Variants in WWOX observed in about 807,000 individuals in gnomAD.
The protein encoded by WWOX is WW domain-containing oxidoreductase.
In WWOX, 69 loss-of-function variants were observed where a neutral mutation model predicts 46.2. That is an observed-to-expected ratio of 1.49 (90% CI 1.23 to 1.82). The LOEUF is 1.82. Ranked by LOEUF, WWOX falls within the 40% of genes most tolerant of loss-of-function variation. The pLI is 0.00. For missense variants in WWOX, 919 were observed against 542.6 expected (o/e 1.69, Z -6.89); for synonymous variants, 359 against 202.6 (o/e 1.77, Z -6.56).
At chr16:78,913,803 A>G (rs1235851749) in intron 8 of WWOX, among the ~76,000 whole-genome samples, 1 of 151,906 alleles carries the variant, frequency 6.6e-6, no homozygotes, top group African/African-American at 2.4e-5. Context: ...CTGGGACTAA[A>G]GTGTGCACCA....
chr16:78,986,184 T>A (rs546975953), intron 8 of WWOX, among the ~76,000 whole-genome samples: 1 of 152,304 alleles, frequency 6.6e-6, no homozygotes, highest in South Asian at 2.1e-4. Context: ...GAGTCACACA[T>A]TTATATTTTT....
intron 6 of WWOX, among the ~76,000 whole-genome samples, chr16:78,418,869 C>T (rs985568158): frequency 1.9e-4 from 29 of 151,974 alleles, no homozygotes; most frequent in African/African-American, 5.8e-4. Context: ...GTACCGTCCC[C>T]TTAGGATCAA....
intron 8 of WWOX, among the ~76,000 whole-genome samples, chr16:78,753,846 ATATATATATGTATATG>A (rs2049561565): frequency 9.4e-6 from 1 of 106,028 alleles, no homozygotes; most frequent in African/African-American, 4.2e-5. Context: ...ATATATATAT[ATATATATATGTATATG>A]TATATGTATA....
At chr16:79,051,003 C>T (rs907540566) in intron 8 of WWOX, among the ~76,000 whole-genome samples, 8 of 152,224 alleles carry the variant, frequency 5.3e-5, no homozygotes, top group African/African-American at 1.9e-4. Context: ...ACCCAAATCA[C>T]ACGTCACGGC....
chr16:78,419,704 ATAGGGGT>A (rs2082879235), intron 6 of WWOX, among the ~76,000 whole-genome samples: 2 of 151,474 alleles, frequency 1.3e-5, no homozygotes, highest in Non-Finnish European at 2.9e-5. Context: ...AGAAGCAAAC[ATAGGGGT>A]ATATTTTTCT....
intron 5 of WWOX, among the ~76,000 whole-genome samples, chr16:78,380,363 C>T (rs944332329): frequency 7.2e-5 from 11 of 152,190 alleles, no homozygotes; most frequent in African/African-American, 2.4e-4. Flanking sequence ...TTTTGAACCT[C>T]AGCTTCTCCA....
intron 5 of WWOX, among the ~76,000 whole-genome samples, chr16:78,358,251 T>C (rs546547254): frequency 1.3e-5 from 2 of 152,368 alleles, no homozygotes; most frequent in African/African-American, 4.8e-5. Flanking sequence ...CATCAGTAAA[T>C]TCATTCATGT....
At chr16:78,330,385 T>C (rs1334679566) in intron 5 of WWOX, among the ~76,000 whole-genome samples, 1 of 151,898 alleles carries the variant, frequency 6.6e-6, no homozygotes, top group Non-Finnish European at 1.5e-5. Flanking sequence ...AAGAGAAAAT[T>C]TCACCAGTGA....
chr16:78,174,032 C>G (rs531673744), intron 5 of WWOX, among the ~76,000 whole-genome samples: 1 of 152,264 alleles, frequency 6.6e-6, no homozygotes, highest in African/African-American at 2.4e-5. Flanking sequence ...GAGGATTCCA[C>G]TCTCATCTAA....
intron 5 of WWOX, among the ~76,000 whole-genome samples, chr16:78,261,784 C>CTAGATATATA (rs1259613713): frequency 2.0e-5 from 1 of 50,896 alleles, no homozygotes; most frequent in African/African-American, 1.2e-4. Flanking sequence ...ATCTATCTAT[C>CTAGATATATA]TATCTATATA....
At chr16:79,155,166 A>G (rs567022200) in intron 8 of WWOX, among the ~76,000 whole-genome samples, 68 of 152,054 alleles carry the variant, frequency 4.5e-4, no homozygotes, top group Non-Finnish European at 7.9e-4. Flanking sequence ...TCATGAAGTC[A>G]AGAGATGGAA....
At chr16:78,937,232 A>G (rs942494760) in intron 8 of WWOX, among the ~76,000 whole-genome samples, 5 of 152,162 alleles carry the variant, frequency 3.3e-5, no homozygotes, top group East Asian at 1.9e-4. Flanking sequence ...AACTTTTAAT[A>G]GTATTTCAAA....
intron 8 of WWOX, among the ~76,000 whole-genome samples, chr16:78,601,267 C>A (rs1439265869): frequency 6.6e-6 from 1 of 152,110 alleles, no homozygotes; most frequent in Non-Finnish European, 1.5e-5. Flanking sequence ...CCCTCTTTGC[C>A]CCTTTGGGTG....
In WWOX at chr16:79,001,966, T is replaced by C. The variant is rs1439456817; in HGVS notation, c.1057-209642T>C. ...AAAAAAGATGTAAGCTTTTATTAAA[T>C]AGAAGAAAATCAGGGGCAGAGGACA... On this transcript the variant is annotated intron_variant, in intron 8 of 8. Transcript: ENST00000566780. 3.3e-5 allele frequency among the ~76,000 whole-genome samples: 5 copies of C among 152,146 alleles called. No homozygotes were observed. The East Asian group carries it at 7.7e-4, about 24-fold the overall frequency.
At chr16:78,862,524 A>T (rs1038079663) in intron 8 of WWOX, among the ~76,000 whole-genome samples, 6 of 152,268 alleles carry the variant, frequency 3.9e-5, no homozygotes, top group East Asian at 1.9e-4. Context: ...AAAGATATAT[A>T]TAAAGATTTT....
chr16:78,963,320 T>A (rs142685583), intron 8 of WWOX, among the ~76,000 whole-genome samples: 2 of 151,344 alleles, frequency 1.3e-5, no homozygotes, highest in African/African-American at 2.4e-5. Context: ...ATAAAAAAAA[T>A]TAGCTGCCCA....
intron 4 of WWOX, among the ~76,000 whole-genome samples, chr16:78,118,037 CTTTCTTTCTTTT>C (rs1192727308): frequency 6.9e-6 from 1 of 144,842 alleles, no homozygotes; most frequent in Non-Finnish European, 1.5e-5. Flanking sequence ...TTCTTTCTTT[CTTTCTTTCTTTT>C]TTTTTTTTAA....
intron 8 of WWOX, among the ~76,000 whole-genome samples, chr16:78,788,789 A>AAGT: frequency 6.6e-6 from 1 of 152,266 alleles, no homozygotes; most frequent in African/African-American, 2.4e-5. Context: ...GAAGTCTCTG[A>AAGT]CTTGCTATTG....
At chr16:78,698,280 G>T (rs1422960180) in intron 8 of WWOX, among the ~76,000 whole-genome samples, 1 of 152,162 alleles carries the variant, frequency 6.6e-6, no homozygotes, top group African/African-American at 2.4e-5. Flanking sequence ...TTTCAATTAG[G>T]TTTACCACTG....
Sources: allele counts gnomAD v4.1 joint callset (sites outside exome capture counted in the v4.1 genomes callset), GRCh38; gene constraint gnomAD v4.1.1; transcripts MANE v1.5; gene names NCBI Gene and HGNC (gene_info 2026-07-23, HGNC 2026-07-21).